Variants in USH2A observed in about 807,000 individuals in gnomAD.
The protein encoded by USH2A is Usher syndrome 2A (autosomal recessive, mild).
Under a neutral mutation model 538.9 loss-of-function variants are expected in USH2A, and 443 were observed. That is an observed-to-expected ratio of 0.82 (90% CI 0.76 to 0.89). The LOEUF is 0.89. USH2A is among the 40% of genes least tolerant of loss of function. The pLI, the probability that USH2A is intolerant of heterozygous loss-of-function variation, is 0.00. For missense variants in USH2A, 6,633 were observed against 6,324.8 expected (o/e 1.05, Z -1.65); for synonymous variants, 2,413 against 2,273.5 (o/e 1.06, Z -1.75).
chr1:215,784,784 C>A (rs940950649), intron 52 of USH2A, among the ~76,000 whole-genome samples: 2 of 152,218 alleles, frequency 1.3e-5, no homozygotes, highest in South Asian at 4.1e-4. Flanking sequence ...TTTCTGCAGG[C>A]AAAGCAATCT....
At position 216,097,080 on chromosome 1, in the gene USH2A, T is replaced by C. The variant is rs117798425; in HGVS notation, c.4758+3A>G. ...ATATTAAAGTTTATGATTTCTCATTTACCTGAGGATCAAAAAGAAAATAAA... is the reference window on the plus strand; with the variant it reads ...ATATTAAAGTTTATGATTTCTCATTCACCTGAGGATCAAAAAGAAAATAAA... On this transcript the variant is annotated splice_donor_region_variant and intron_variant, in intron 22 of 71. Coordinates refer to ENST00000307340, the MANE Select transcript of USH2A (RefSeq NM_206933.4). 917 of 1,613,506 alleles carry C rather than the reference T, an allele frequency of 5.7e-4. 10 individuals carry two copies. In the East Asian group the frequency reaches 0.015, roughly 27 times the overall value.
chr1:215,680,155 C>T lies in USH2A; in HGVS notation c.12288G>A (p.Val4096=), dbSNP rs2102671651. Residue 4096 remains valine (V), a synonymous_variant, in exon 62 of 72, where the codon GTG becomes GTA. Coordinates refer to ENST00000307340, the MANE Select transcript of USH2A (RefSeq NM_206933.4). ...QWSEPMRTNG[V]IKTYNIFSDG... ...TATGCAGGGTAGACATTACCTTAAT[C>T]ACACCATTGGTTCTCATAGGTTCTG... The T allele has an allele frequency of 6.2e-7, 1 of 1,613,942 alleles. No individual in the cohort carries two copies. Among genetic ancestry groups the T allele is most frequent in the Non-Finnish European group, 8.5e-7 (1 of 1,179,818 alleles).
chr1:216,314,337 A>G (rs766985877), intron 9 of USH2A, among the ~76,000 whole-genome samples: 17 of 152,180 alleles, frequency 1.1e-4, no homozygotes, highest in Non-Finnish European at 2.4e-4. Context: ...AGGAAAGAAA[A>G]TTCTTTACCT....
chr1:216,402,831 A>C (rs1027320494), intron 3 of USH2A, among the ~76,000 whole-genome samples: 2 of 152,162 alleles, frequency 1.3e-5, no homozygotes, highest in African/African-American at 4.8e-5. Flanking sequence ...AGAGTCAAAC[A>C]TACAACATAA....
chr1:216,122,126 T>C (rs1159231842), intron 21 of USH2A, among the ~76,000 whole-genome samples: 1 of 152,144 alleles, frequency 6.6e-6, no homozygotes, highest in African/African-American at 2.4e-5. Context: ...CAATATATCA[T>C]GGAGTAAAGC....
At chr1:216,306,213 T>C (rs2037314138) in intron 9 of USH2A, among the ~76,000 whole-genome samples, 1 of 152,160 alleles carries the variant, frequency 6.6e-6, no homozygotes, top group Non-Finnish European at 1.5e-5. Context: ...TTTAATTTTT[T>C]TTTTTCTTTG....
At chr1:215,857,814 A>C (rs1231990004) in intron 44 of USH2A, among the ~76,000 whole-genome samples, 2 of 118,448 alleles carry the variant, frequency 1.7e-5, no homozygotes, top group African/African-American at 7.2e-5. Flanking sequence ...GGTTGATATC[A>C]GTGGTGGAAT....
intron 47 of USH2A, among the ~76,000 whole-genome samples, chr1:215,833,318 A>C (rs1039938762): frequency 1.3e-5 from 2 of 151,956 alleles, no homozygotes; most frequent in African/African-American, 4.8e-5. Context: ...AGCTGTAGTA[A>C]TCAAGATTGT....
chr1:216,245,699 T>C (rs1369777650), intron 13 of USH2A, among the ~76,000 whole-genome samples: 2 of 152,166 alleles, frequency 1.3e-5, no homozygotes, highest in Non-Finnish European at 2.9e-5. Context: ...AATTCCTTCT[T>C]GTCTCTTTGA....
At chr1:215,966,537 T>C (rs1667352744) in intron 36 of USH2A, among the ~76,000 whole-genome samples, 1 of 152,192 alleles carries the variant, frequency 6.6e-6, no homozygotes, top group Non-Finnish European at 1.5e-5. Context: ...TTATCAATTA[T>C]GAAAATAAAT....
intron 46 of USH2A, among the ~76,000 whole-genome samples, chr1:215,842,873 C>T (rs1264764819): frequency 6.6e-6 from 1 of 151,858 alleles, no homozygotes; most frequent in African/African-American, 2.4e-5. Context: ...CAGGTAAATA[C>T]CTGGTAGATG....
chr1:216,056,807 A>T (rs74143923), intron 30 of USH2A, among the ~76,000 whole-genome samples: 2,789 of 145,700 alleles, frequency 0.019, 83 homozygotes, highest in African/African-American at 0.072. Flanking sequence ...TGTGTGTGAG[A>T]GAGAGAGATT....
chr1:216,288,362 A>C (rs1026456111), intron 11 of USH2A, among the ~76,000 whole-genome samples: 5 of 152,062 alleles, frequency 3.3e-5, no homozygotes, highest in African/African-American at 7.2e-5. Context: ...TTATTGACAC[A>C]TGATGGTTAC....
At chr1:216,077,027 T>C (rs1366799792) in intron 27 of USH2A, among the ~76,000 whole-genome samples, 1 of 152,158 alleles carries the variant, frequency 6.6e-6, no homozygotes, top group Admixed American at 6.6e-5. Context: ...AGTGTCTTGC[T>C]ATCTGCTTAC....
chr1:216,282,116 T>C (rs1558361910), intron 11 of USH2A, among the ~76,000 whole-genome samples: 1 of 152,142 alleles, frequency 6.6e-6, no homozygotes, highest in Non-Finnish European at 1.5e-5. Context: ...TTATCAGATA[T>C]ATGCTGTGCA....
intron 9 of USH2A, among the ~76,000 whole-genome samples, chr1:216,301,063 T>C (rs2037206893): frequency 6.6e-6 from 1 of 152,126 alleles, no homozygotes; most frequent in South Asian, 2.1e-4. Flanking sequence ...CACTCAATTT[T>C]ACTTATTTCT....
chr1:216,039,832 G>T (rs553925742), intron 32 of USH2A, among the ~76,000 whole-genome samples: 2 of 151,990 alleles, frequency 1.3e-5, no homozygotes, highest in African/African-American at 2.4e-5. Context: ...TAAGTGTTTG[G>T]AAAGTTTAAG....
chr1:216,270,334 G>C (rs1208894157), intron 11 of USH2A, among the ~76,000 whole-genome samples: 2 of 152,138 alleles, frequency 1.3e-5, no homozygotes, highest in Non-Finnish European at 2.9e-5. Flanking sequence ...TTGAGTGTTA[G>C]TTTAAGTGTT....
chr1:216,385,902 C>T (rs1338378482), intron 3 of USH2A, among the ~76,000 whole-genome samples: 1 of 152,178 alleles, frequency 6.6e-6, no homozygotes, highest in Non-Finnish European at 1.5e-5. Context: ...CCCATCTCTG[C>T]CTCTTGAAAC....
Sources: gnomAD v4.1 joint callset for allele counts (sites outside exome capture counted in the v4.1 genomes callset) on GRCh38, gnomAD v4.1.1 for gene constraint, MANE v1.5 for transcripts, NCBI Gene and HGNC (gene_info 2026-07-23, HGNC 2026-07-21) for gene names.